MLIP: variants seen among roughly 807,000 people sequenced by gnomAD.
MLIP encodes muscular LMNA interacting protein, also known as muscular LMNA-interacting protein.
MLIP carries 79 observed loss-of-function variants against 84.8 expected under a neutral mutation model. That is an observed-to-expected ratio of 0.93 (90% CI 0.78 to 1.12). The LOEUF is 1.12. Ranked by LOEUF, MLIP falls within the 50% of genes most tolerant of loss-of-function variation. The pLI is 0.00. For synonymous variants in MLIP, 504 were observed against 463.0 expected (o/e 1.09, Z -1.14); for missense variants, 1,257 against 1,160.6 (o/e 1.08, Z -1.21).
chr6:54,189,967 G>C (rs1777757189), intron 10 of MLIP, 53 bp downstream of exon 10: 2 of 1,249,138 alleles, frequency 1.6e-6, no homozygotes, highest in Admixed American at 3.9e-5. Flanking sequence ...TCTCAAGAGA[G>C]CTTTACCTGA....
At chr6:54,186,908 G>C (rs768611626) in intron 9 of MLIP, among the ~76,000 whole-genome samples, 1 of 152,110 alleles carries the variant, frequency 6.6e-6, no homozygotes. Context: ...GCCAGGACCC[G>C]AGAGCTTAGG....
intron 1 of MLIP, among the ~76,000 whole-genome samples, chr6:54,039,177 T>A (rs1764607529): frequency 1.3e-5 from 2 of 152,040 alleles, no homozygotes; most frequent in Admixed American, 1.3e-4. Flanking sequence ...AGTAATTTTA[T>A]GTCATGTTTT....
intron 3 of MLIP, 105 bp downstream of exon 3, chr6:54,124,970 T>A: frequency 1.0e-6 from 1 of 958,556 alleles, no homozygotes; most frequent in Non-Finnish European, 1.5e-6. Context: ...GACAAAACTT[T>A]CAAAGAAAAA....
At chr6:54,033,482 G>T (rs1003047131) in intron 1 of MLIP, among the ~76,000 whole-genome samples, 1 of 152,034 alleles carries the variant, frequency 6.6e-6, no homozygotes, top group African/African-American at 2.4e-5. Context: ...GGACAGGCTG[G>T]TCTTGAACTC....
chr6:54,031,998 C>T (rs1342988530), intron 1 of MLIP, among the ~76,000 whole-genome samples: 1 of 152,156 alleles, frequency 6.6e-6, no homozygotes, highest in African/African-American at 2.4e-5. Context: ...AGGAGAATGG[C>T]AGTCTCCCGT....
rs1031562578 is a variant in MLIP, at chr6:54,169,920, A to G, written c.2544+348A>G. Among the ~76,000 whole-genome samples, 9 of 151,890 alleles carry G rather than the reference A, an allele frequency of 5.9e-5. No homozygotes were observed. In the Middle Eastern group the frequency reaches 0.01, roughly 172 times the overall value. On this transcript the variant is annotated intron_variant, in intron 9 of 13. Transcript: ENST00000502396. ...AATAGTCAACTCATATACTTGAAAC[A>G]TTAAGATTTGTCCATTTCTAATGGG... is the stretch of plus-strand genomic sequence containing the variant.
intron 1 of MLIP, among the ~76,000 whole-genome samples, chr6:54,037,569 AGTAAAGGCAT>A (rs1320578617): frequency 6.6e-6 from 1 of 152,006 alleles, no homozygotes; most frequent in Non-Finnish European, 1.5e-5. Flanking sequence ...CATGGTTTTC[AGTAAAGGCAT>A]TGCTGTTGTG....
chr6:54,108,354 TCTC>T (rs368521423), upstream of MLIP, among the ~76,000 whole-genome samples: 360 of 152,292 alleles, frequency 2.4e-3, 2 homozygotes, highest in African/African-American at 8.3e-3. Flanking sequence ...TAGATTCTCT[TCTC>T]CTCTCCACTC....
intron 4 of MLIP, among the ~76,000 whole-genome samples, chr6:54,147,629 CT>C (rs1772995818): frequency 6.6e-6 from 1 of 152,094 alleles, no homozygotes; most frequent in Non-Finnish European, 1.5e-5. Flanking sequence ...ATTCAGAGTA[CT>C]TTTTTGGGAA....
intron 8 of MLIP, among the ~76,000 whole-genome samples, chr6:54,166,724 T>C (rs1302877800): frequency 6.6e-6 from 1 of 151,820 alleles, no homozygotes; most frequent in Non-Finnish European, 1.5e-5. Flanking sequence ...CCCTGTTTTA[T>C]GTTATAAAAA....
At chr6:54,218,820 T>A (rs1444869024) in intron 11 of MLIP, among the ~76,000 whole-genome samples, 1 of 151,788 alleles carries the variant, frequency 6.6e-6, no homozygotes, top group Non-Finnish European at 1.5e-5. Context: ...CTGGCCACAT[T>A]TTCTTTTTTC....
chr6:54,250,163 C>A (rs1782369590), intron 12 of MLIP, among the ~76,000 whole-genome samples: 1 of 151,970 alleles, frequency 6.6e-6, no homozygotes, highest in Admixed American at 6.6e-5. Context: ...CAATGAGATA[C>A]CATCTCATAC....
chr6:54,262,283 C>T (rs1783436344), intron 13 of MLIP, among the ~76,000 whole-genome samples: 1 of 151,894 alleles, frequency 6.6e-6, no homozygotes, highest in African/African-American at 2.4e-5. Context: ...AACATTGAAC[C>T]AGAATGTGAT....
intron 1 of MLIP, among the ~76,000 whole-genome samples, chr6:54,099,115 CT>C (rs1272725224): frequency 1.3e-5 from 2 of 152,140 alleles, no homozygotes; most frequent in Non-Finnish European, 2.9e-5. Context: ...ATCATCTATT[CT>C]TCTTTACCAA....
intron 12 of MLIP, among the ~76,000 whole-genome samples, chr6:54,252,209 T>TA (rs1396638357): frequency 9.1e-6 from 1 of 109,980 alleles, no homozygotes; most frequent in Non-Finnish European, 1.6e-5. Flanking sequence ...TTATAACATA[T>TA]AATATATAAC....
chr6:54,101,356 A>G (rs1041286436), intron 1 of MLIP, among the ~76,000 whole-genome samples: 1 of 152,140 alleles, frequency 6.6e-6, no homozygotes, highest in African/African-American at 2.4e-5. Context: ...AAAGAGAGAA[A>G]TGAATATTTA....
chr6:54,242,120 T>A (rs1582603537), intron 12 of MLIP, among the ~76,000 whole-genome samples: 1 of 152,196 alleles, frequency 6.6e-6, no homozygotes, highest in Admixed American at 6.5e-5. Flanking sequence ...TTCATGGCGG[T>A]CTGATGTTGT....
rs558136130 is a variant in MLIP at position 54,134,395 on chromosome 6, G to A, written c.646-2320G>A. Among the ~76,000 whole-genome samples the A allele has an allele frequency of 1.7e-3, 254 of 151,846 alleles. 7 individuals carry two copies. The South Asian group carries it at 0.031, about 18-fold the overall frequency. ...ATATTGGTACAAATTAGGATACATC[G>A]TGGCATATTTGCAAGTTAGAAAGGA... On this transcript the variant is annotated intron_variant, in intron 3 of 13. Transcript: ENST00000502396.
intron 1 of MLIP, among the ~76,000 whole-genome samples, chr6:54,097,513 A>G (rs918950052): frequency 6.6e-6 from 1 of 152,204 alleles, no homozygotes; most frequent in Non-Finnish European, 1.5e-5. Flanking sequence ...GTTGAAATAT[A>G]TGACCACTCA....
Sources: gnomAD v4.1 joint callset for allele counts (sites outside exome capture counted in the v4.1 genomes callset) on GRCh38, gnomAD v4.1.1 for gene constraint, MANE v1.5 for transcripts, NCBI Gene and HGNC (gene_info 2026-07-23, HGNC 2026-07-21) for gene names.